Variants in MPP7 observed in about 807,000 individuals in gnomAD.
MPP7 encodes MAGUK p55 subfamily member 7.
MPP7 carries 60 observed loss-of-function variants against 76.5 expected under a neutral mutation model. The ratio of observed to expected loss-of-function variants is 0.78; its 90% CI spans 0.64 to 0.97. The LOEUF is 0.97. Ranked by LOEUF, MPP7 falls within the 50% of genes least tolerant of loss-of-function variation. MPP7 has a pLI of 0.00. For missense variants in MPP7, 641 were observed against 694.0 expected, an observed-to-expected ratio of 0.92 and a Z score of 0.86; for synonymous variants, 237 against 244.5, an observed-to-expected ratio of 0.97 and a Z score of 0.29.
At chr10:28,321,867 T>C (rs1457872887) in intron 2 of MPP7, among the ~76,000 whole-genome samples, 1 of 152,138 alleles carries the variant, frequency 6.6e-6, no homozygotes, top group Non-Finnish European at 1.5e-5. Context: ...ATTACAGGTA[T>C]GAGCCATGCC....
intron 2 of MPP7, among the ~76,000 whole-genome samples, chr10:28,218,439 T>C (rs184611580): frequency 6.6e-6 from 1 of 152,340 alleles, no homozygotes; most frequent in East Asian, 1.9e-4. Context: ...ATCAGCTCCA[T>C]GTTTAGTCTC....
intron 11 of MPP7, among the ~76,000 whole-genome samples, chr10:28,107,346 A>T (rs1834358590): frequency 1.3e-5 from 2 of 152,156 alleles, no homozygotes; most frequent in South Asian, 4.1e-4. Flanking sequence ...TGTGACAGTC[A>T]TCAGATAGTG....
At chr10:28,213,338 A>C (rs542263511) in intron 2 of MPP7, among the ~76,000 whole-genome samples, 1 of 152,112 alleles carries the variant, frequency 6.6e-6, no homozygotes, top group South Asian at 2.1e-4. Flanking sequence ...CAGCTCCTCT[A>C]TGGTCCCACA....
intron 2 of MPP7, among the ~76,000 whole-genome samples, chr10:28,218,836 T>C (rs894222441): frequency 2.0e-5 from 3 of 152,206 alleles, no homozygotes; most frequent in African/African-American, 7.2e-5. Flanking sequence ...TTATTTTAAA[T>C]ACCCAGCACG....
chr10:28,307,458 C>G (rs1841265341), upstream of MPP7: 1 of 152,196 alleles, frequency 6.6e-6, no homozygotes, highest in South Asian at 2.1e-4. Context: ...GCCTGCTGCT[C>G]TGGGCTCAGA....
intron 1 of MPP7, among the ~76,000 whole-genome samples, chr10:28,332,655 A>G (rs1027705075): frequency 2.0e-5 from 3 of 152,098 alleles, no homozygotes; most frequent in African/African-American, 4.8e-5. Flanking sequence ...CTGTAAGGTA[A>G]GTTATTATTT....
At chr10:28,210,392 A>G (rs10826423) in intron 2 of MPP7, among the ~76,000 whole-genome samples, 25,278 of 152,184 alleles carry the variant, frequency 0.17, 2,580 homozygotes, top group East Asian at 0.5. Context: ...GTATATTATA[A>G]TATCTCCTAT....
At chr10:28,183,034 C>T (rs1486499929) in intron 3 of MPP7, among the ~76,000 whole-genome samples, 1 of 152,170 alleles carries the variant, frequency 6.6e-6, no homozygotes, top group Admixed American at 6.5e-5. Context: ...GCCAAGATCA[C>T]GCCATTGCAT....
At chr10:28,211,864 A>G (rs752964522) in intron 2 of MPP7, among the ~76,000 whole-genome samples, 2 of 152,258 alleles carry the variant, frequency 1.3e-5, no homozygotes, top group Non-Finnish European at 2.9e-5. Context: ...CTGAAAGGGC[A>G]AACACGAGAA....
At chr10:28,070,324 G>A (rs1278510090) in intron 12 of MPP7, among the ~76,000 whole-genome samples, 8 of 152,046 alleles carry the variant, frequency 5.3e-5, no homozygotes, top group Admixed American at 6.5e-5. Context: ...GTGTGAACCC[G>A]GGAGGCGGAG....
intron 1 of MPP7, among the ~76,000 whole-genome samples, chr10:28,249,592 A>G (rs1839547015): frequency 1.3e-5 from 2 of 152,158 alleles, no homozygotes; most frequent in Non-Finnish European, 2.9e-5. Flanking sequence ...ACACCGCCAA[A>G]AAAGGTCATA....
At chr10:28,299,464 C>T (rs1841102877) in intron 1 of MPP7, among the ~76,000 whole-genome samples, 1 of 151,958 alleles carries the variant, frequency 6.6e-6, no homozygotes, top group Admixed American at 6.6e-5. Context: ...CATGGAGCCC[C>T]AAAACAATTA....
rs1240302992 is a variant in MPP7, at chr10:28,051,918, C to T, written c.*2147G>A. The T allele has an allele frequency of 4.6e-5, 7 of 151,330 alleles. No homozygotes were observed. The highest frequency in any genetic ancestry group is 1.5e-4 in the African/African-American group (6 of 41,150). The allele number at this position is 151,330 out of a possible 1,614,324, so 9.4% of individuals were successfully genotyped here. Reference sequence around the variant, plus strand: ...AAAAAAAAAGTATACTACCTGATTTCTAAAATTACCAAAGTGCCCCCTTTT... The same window carrying T: ...AAAAAAAAAGTATACTACCTGATTTTTAAAATTACCAAAGTGCCCCCTTTT... On this transcript the variant is annotated 3_prime_UTR_variant, in exon 17 of 17. Coordinates refer to ENST00000683449, the MANE Select transcript of MPP7 (RefSeq NM_001318170.2).
chr10:28,221,802 G>C (rs141758356), intron 2 of MPP7, among the ~76,000 whole-genome samples: 1 of 152,220 alleles, frequency 6.6e-6, no homozygotes, highest in East Asian at 1.9e-4. Context: ...TTAAAATCTA[G>C]GTGATTCGAG....
intron 13 of MPP7, among the ~76,000 whole-genome samples, chr10:28,068,849 A>C (rs2133360766): frequency 6.6e-6 from 1 of 152,370 alleles, no homozygotes; most frequent in East Asian, 1.9e-4. Context: ...TTTGTAAGTA[A>C]TAATTTGATG....
rs914467301 is a variant in MPP7 at position 28,227,321 on chromosome 10, T to G, written c.37+11247A>C. On this transcript the variant is annotated intron_variant, in intron 2 of 16. Transcript: ENST00000683449. ...TCTTTTTTTAAATTTAATTTTTATT[T>G]TCAGTTCCAGGATACATGTGCAGGA... is the stretch of plus-strand genomic sequence containing the variant. 2.0e-5 allele frequency among the ~76,000 whole-genome samples: 3 copies of G among 152,274 alleles called. No homozygotes were observed. In the East Asian group the frequency reaches 5.8e-4, roughly 29 times the overall value.
intron 11 of MPP7, among the ~76,000 whole-genome samples, chr10:28,092,184 G>C (rs1445003504): frequency 6.6e-6 from 1 of 152,210 alleles, no homozygotes; most frequent in Non-Finnish European, 1.5e-5. Flanking sequence ...AGTGACTAAA[G>C]TTTATCTGAT....
chr10:28,069,724 A>G, intron 13 of MPP7, 48 bp downstream of exon 13: 1 of 1,397,454 alleles, frequency 7.2e-7, no homozygotes, highest in Non-Finnish European at 9.6e-7. Context: ...AAAAATTTAA[A>G]ATTATCGTAA....
intron 2 of MPP7, among the ~76,000 whole-genome samples, chr10:28,219,273 A>G (rs1838416513): frequency 6.6e-6 from 1 of 152,226 alleles, no homozygotes; most frequent in African/African-American, 2.4e-5. Context: ...ACAAGAAGGA[A>G]AGACATTTTT....
Sources: gnomAD v4.1 joint callset for allele counts (sites outside exome capture counted in the v4.1 genomes callset) on GRCh38, gnomAD v4.1.1 for gene constraint, MANE v1.5 for transcripts, NCBI Gene and HGNC (gene_info 2026-07-23, HGNC 2026-07-21) for gene names.